The following CTNND2 variants were observed in gnomAD, a reference collection of about 807,000 sequenced individuals.
CTNND2 encodes catenin delta 2.
CTNND2 carries 22 observed loss-of-function variants against 144.4 expected under a neutral mutation model. The ratio of observed to expected loss-of-function variants is 0.15; its 90% CI spans 0.11 to 0.22. CTNND2 has a LOEUF of 0.22. CTNND2 is among the 10% of genes least tolerant of loss of function. The pLI, the probability that CTNND2 is intolerant of heterozygous loss-of-function variation, is 1.00. For missense variants in CTNND2, 1,353 were observed against 1,618.8 expected (o/e 0.84, Z 2.82); for synonymous variants, 751 against 695.6 (o/e 1.08, Z -1.25).
chr5:11,356,676 C>G (rs565916914), intron 8 of CTNND2, among the ~76,000 whole-genome samples: 2 of 151,640 alleles, frequency 1.3e-5, no homozygotes, highest in African/African-American at 4.8e-5. Flanking sequence ...GCACAGGTAG[C>G]AAAACCAAAA....
At chr5:11,641,299 T>C (rs1315845253) in intron 2 of CTNND2, among the ~76,000 whole-genome samples, 3 of 152,062 alleles carry the variant, frequency 2.0e-5, no homozygotes, top group Non-Finnish European at 4.4e-5. Context: ...AATGTGAGCG[T>C]TCCATGAACA....
chr5:11,157,671 A>C (rs1299798870), intron 12 of CTNND2, among the ~76,000 whole-genome samples: 2 of 152,230 alleles, frequency 1.3e-5, no homozygotes, highest in Non-Finnish European at 2.9e-5. Context: ...AAAAATGAAG[A>C]ATGTAAATAC....
chr5:11,116,041 G>A (rs34238292), intron 13 of CTNND2, among the ~76,000 whole-genome samples: 21,714 of 152,116 alleles, frequency 0.14, 2,457 homozygotes, highest in East Asian at 0.45. Flanking sequence ...ACTATGGCAG[G>A]TTCTTAATCT....
At chr5:11,422,756 A>G (rs1348995286) in intron 3 of CTNND2, among the ~76,000 whole-genome samples, 1 of 152,218 alleles carries the variant, frequency 6.6e-6, no homozygotes, top group Non-Finnish European at 1.5e-5. Flanking sequence ...ATACAAGCCA[A>G]GCTGTCACTG....
At chr5:11,718,008 C>T (rs1254270179) in intron 2 of CTNND2, among the ~76,000 whole-genome samples, 3 of 152,094 alleles carry the variant, frequency 2.0e-5, no homozygotes, top group Admixed American at 6.6e-5. Flanking sequence ...AGTCCAATGG[C>T]AATAAAACAT....
At chr5:11,619,302 G>A (rs1205770351) in intron 2 of CTNND2, among the ~76,000 whole-genome samples, 5 of 152,148 alleles carry the variant, frequency 3.3e-5, no homozygotes, top group Non-Finnish European at 5.9e-5. Flanking sequence ...CAGCTACTCC[G>A]GAGGCTGAGG....
chr5:11,884,036 T>C (rs1736332532), intron 1 of CTNND2, among the ~76,000 whole-genome samples: 1 of 152,206 alleles, frequency 6.6e-6, no homozygotes, highest in Non-Finnish European at 1.5e-5. Flanking sequence ...TGTTTTTTTC[T>C]TGTACATTTG....
chr5:11,767,648 T>C (rs1789673847), intron 1 of CTNND2, among the ~76,000 whole-genome samples: 1 of 152,144 alleles, frequency 6.6e-6, no homozygotes, highest in South Asian at 2.1e-4. Context: ...ATTCCTAGGA[T>C]GCCTATCAAG....
chr5:11,878,497 G>A (rs1735723141), intron 1 of CTNND2, among the ~76,000 whole-genome samples: 1 of 152,142 alleles, frequency 6.6e-6, no homozygotes. Context: ...AGAGAAAACA[G>A]ATGCAAATGT....
intron 2 of CTNND2, among the ~76,000 whole-genome samples, chr5:11,578,538 G>A (rs952617512): frequency 6.6e-6 from 1 of 152,080 alleles, no homozygotes; most frequent in Non-Finnish European, 1.5e-5. Context: ...GCACGCACCT[G>A]TAGTACCAGC....
At chr5:11,347,784 C>T (rs1009620884) in intron 8 of CTNND2, among the ~76,000 whole-genome samples, 1 of 152,110 alleles carries the variant, frequency 6.6e-6, no homozygotes, top group Admixed American at 6.5e-5. Flanking sequence ...TCTTAGTGAA[C>T]AATGATAGAG....
At chr5:11,809,188 T>C (rs1278507128) in intron 1 of CTNND2, among the ~76,000 whole-genome samples, 1 of 152,206 alleles carries the variant, frequency 6.6e-6, no homozygotes, top group Non-Finnish European at 1.5e-5. Context: ...TTAAGATTCT[T>C]TGGAGAACTG....
At chr5:11,873,070 G>T (rs1336404520) in intron 1 of CTNND2, among the ~76,000 whole-genome samples, 1 of 152,158 alleles carries the variant, frequency 6.6e-6, no homozygotes, top group Non-Finnish European at 1.5e-5. Context: ...GCAACCTACA[G>T]AATGGGAGAA....
intron 1 of CTNND2, among the ~76,000 whole-genome samples, chr5:11,792,626 G>C (rs1024992576): frequency 6.6e-6 from 1 of 152,228 alleles, no homozygotes; most frequent in Non-Finnish European, 1.5e-5. Context: ...GATGAATTGA[G>C]TGTTCAAGAT....
In CTNND2 at chr5:11,265,543, C is replaced by T. The variant is rs1351779635; in HGVS notation, c.1629-28720G>A. On this transcript the variant is annotated intron_variant, in intron 9 of 21. Coordinates refer to ENST00000304623, the MANE Select transcript of CTNND2 (RefSeq NM_001332.4). ...ACCATACTCCTGTATTACTCAGTAG[C>T]GTTTTGCTGAATCTTTTATTCCCTT... is the stretch of plus-strand genomic sequence containing the variant. 1.3e-5 allele frequency among the ~76,000 whole-genome samples: 2 copies of T among 151,954 alleles called. 1 individual carries two copies. The highest frequency in any genetic ancestry group is 4.2e-4 in the South Asian group (2 of 4,814).
In CTNND2 at chr5:11,810,304, C is replaced by A. The variant is rs965850214; in HGVS notation, c.38-78032G>T. Among the ~76,000 whole-genome samples the A allele has an allele frequency of 3.9e-5, 6 of 152,062 alleles. No homozygotes were observed. In the East Asian group the frequency reaches 1.2e-3, roughly 29 times the overall value. On this transcript the variant is annotated intron_variant, in intron 1 of 21. Coordinates refer to ENST00000304623, the MANE Select transcript of CTNND2 (RefSeq NM_001332.4). ...AAAGTAATTAACAATGCCTGTGACA[C>A]AGACCTTGAAAAGGAAGAAAGGGCT... is the stretch of plus-strand genomic sequence containing the variant.
intron 1 of CTNND2, among the ~76,000 whole-genome samples, chr5:11,866,110 C>G (rs1277806938): frequency 6.6e-6 from 1 of 151,982 alleles, no homozygotes; most frequent in African/African-American, 2.4e-5. Context: ...TGAGACCAGC[C>G]TGGGCAACAT....
At chr5:11,644,039 T>G (rs1782214710) in intron 2 of CTNND2, among the ~76,000 whole-genome samples, 1 of 152,226 alleles carries the variant, frequency 6.6e-6, no homozygotes, top group African/African-American at 2.4e-5. Context: ...AGGAACTCAT[T>G]GATCTTATTT....
chr5:11,567,703 C>T (rs1777232451), intron 2 of CTNND2, among the ~76,000 whole-genome samples: 1 of 152,112 alleles, frequency 6.6e-6, no homozygotes, highest in African/African-American at 2.4e-5. Flanking sequence ...TTTTTTGTAT[C>T]ATTCATGACT....
Sources: allele counts gnomAD v4.1 joint callset (sites outside exome capture counted in the v4.1 genomes callset), GRCh38; gene constraint gnomAD v4.1.1; transcripts MANE v1.5; gene names NCBI Gene and HGNC (gene_info 2026-07-23, HGNC 2026-07-21).